Variants in TANGO6 observed in about 807,000 individuals in gnomAD.
The protein encoded by TANGO6 is transport and Golgi organization protein 6 homolog.
In TANGO6, 90 loss-of-function variants were observed where a neutral mutation model predicts 114.2. The ratio of observed to expected loss-of-function variants is 0.79; its 90% CI spans 0.66 to 0.94. The LOEUF (loss-of-function observed/expected upper bound fraction) is 0.94, where lower values mean the gene tolerates loss of function less well. Ranked by LOEUF, TANGO6 falls within the 40% of genes least tolerant of loss-of-function variation. The pLI, the probability that TANGO6 is intolerant of heterozygous loss-of-function variation, is 0.00. For missense variants in TANGO6, 1,274 were observed against 1,315.3 expected (o/e 0.97, Z 0.49); for synonymous variants, 477 against 509.8 (o/e 0.94, Z 0.87).
At chr16:69,077,520 T>C (rs1960398789) in intron 17 of TANGO6, among the ~76,000 whole-genome samples, 1 of 152,130 alleles carries the variant, frequency 6.6e-6, no homozygotes, top group Non-Finnish European at 1.5e-5. Context: ...ATTGGGGCTA[T>C]ACCAGATTGA....
intron 2 of TANGO6, among the ~76,000 whole-genome samples, chr16:68,861,645 A>G (rs1312145220): frequency 6.6e-6 from 1 of 152,190 alleles, no homozygotes; most frequent in Non-Finnish European, 1.5e-5. Flanking sequence ...GAGAGAAATG[A>G]AAAGGGAAAC....
intron 1 of TANGO6, among the ~76,000 whole-genome samples, chr16:68,856,689 AC>A (rs1961999588): frequency 6.6e-6 from 1 of 152,224 alleles, no homozygotes; most frequent in Non-Finnish European, 1.5e-5. Flanking sequence ...ATTGTTATTA[AC>A]TGAAGTAATA....
intron 7 of TANGO6, among the ~76,000 whole-genome samples, chr16:68,891,149 G>A (rs1361412493): frequency 6.6e-6 from 1 of 151,572 alleles, no homozygotes; most frequent in Non-Finnish European, 1.5e-5. Context: ...AAAATTAGCC[G>A]GGTGTGGTGG....
chr16:68,931,405 T>C (rs1264797151), intron 14 of TANGO6, among the ~76,000 whole-genome samples: 2 of 152,222 alleles, frequency 1.3e-5, no homozygotes, highest in African/African-American at 4.8e-5. Flanking sequence ...CTCCCAGGAA[T>C]ATACCCGATA....
At chr16:69,021,020 A>G (rs560690451) in intron 15 of TANGO6, among the ~76,000 whole-genome samples, 6 of 150,780 alleles carry the variant, frequency 4.0e-5, no homozygotes, top group Non-Finnish European at 7.4e-5. Context: ...GTAGGTTTCT[A>G]CCTTGGACCC....
At chr16:68,985,452 G>A (rs564587836) in intron 15 of TANGO6, among the ~76,000 whole-genome samples, 29 of 152,102 alleles carry the variant, frequency 1.9e-4, no homozygotes, top group Non-Finnish European at 2.6e-4. Context: ...ACTCATGCCT[G>A]TAATCCTAGC....
In TANGO6 at chr16:68,880,874, T is replaced by C. The variant is rs534207680; in HGVS notation, c.1377+244T>C. 3.9e-5 allele frequency among the ~76,000 whole-genome samples: 6 copies of C among 152,224 alleles called. No homozygotes were observed. The East Asian group carries it at 1.2e-3, about 29-fold the overall frequency. Reference sequence around the variant, plus strand: ...TTAGCACTTGAACCGTTGGAATGACTAATCTAAAGCTCCAAGCTGTCTGGT... The same window carrying C: ...TTAGCACTTGAACCGTTGGAATGACCAATCTAAAGCTCCAAGCTGTCTGGT... On this transcript the variant is annotated intron_variant, in intron 7 of 17. Transcript: ENST00000261778.
At chr16:68,954,733 C>G (rs757500276) in intron 14 of TANGO6, among the ~76,000 whole-genome samples, 1 of 152,168 alleles carries the variant, frequency 6.6e-6, no homozygotes, top group Non-Finnish European at 1.5e-5. Flanking sequence ...ACACACAGCC[C>G]TTAACCATTA....
chr16:68,843,836 T>A, intron 1 of TANGO6, 125 bp downstream of exon 1: 1 of 871,448 alleles, frequency 1.1e-6, no homozygotes, highest in Non-Finnish European at 1.8e-6. Context: ...CGCCCGCTGC[T>A]GGGGGCTTTG....
At chr16:68,927,368 A>G (rs1321209108) in intron 12 of TANGO6, among the ~76,000 whole-genome samples, 200 bp from the exon 13 acceptor site, 1 of 152,204 alleles carries the variant, frequency 6.6e-6, no homozygotes, top group Non-Finnish European at 1.5e-5. Context: ...AAGAACCTGT[A>G]TATGATAAGT....
At chr16:68,902,694 C>T (rs1225972952) in intron 9 of TANGO6, among the ~76,000 whole-genome samples, 190 bp downstream of exon 9, 1 of 152,162 alleles carries the variant, frequency 6.6e-6, no homozygotes, top group South Asian at 2.1e-4. Context: ...CCTAAGATGC[C>T]TGCTAATAGT....
chr16:68,847,861 G>A (rs937040612), intron 1 of TANGO6, among the ~76,000 whole-genome samples: 2 of 151,980 alleles, frequency 1.3e-5, no homozygotes, highest in African/African-American at 4.8e-5. Flanking sequence ...TTAGCTGGGC[G>A]TGGTGGCATG....
chr16:68,922,094 A>G (rs1963101521), intron 12 of TANGO6, among the ~76,000 whole-genome samples: 1 of 152,154 alleles, frequency 6.6e-6, no homozygotes, highest in Non-Finnish European at 1.5e-5. Flanking sequence ...GTTTTGGCTT[A>G]TTAAAAAAGA....
intron 17 of TANGO6, among the ~76,000 whole-genome samples, chr16:69,044,149 C>G (rs1430351494): frequency 6.6e-6 from 1 of 152,146 alleles, no homozygotes; most frequent in Non-Finnish European, 1.5e-5. Context: ...ACTGCAACCT[C>G]CACCTCCCGG....
intron 3 of TANGO6, among the ~76,000 whole-genome samples, chr16:68,864,284 G>A (rs1456866331): frequency 2.0e-5 from 3 of 152,020 alleles, no homozygotes; most frequent in African/African-American, 7.2e-5. Context: ...TGTAAAGAGT[G>A]AGGAGCCAGC....
At chr16:68,882,262 C>T (rs976286654) in intron 7 of TANGO6, among the ~76,000 whole-genome samples, 16 of 151,848 alleles carry the variant, frequency 1.1e-4, no homozygotes, top group Non-Finnish European at 1.5e-4. Flanking sequence ...TATGGGAGGC[C>T]GAGGCGGGCA....
chr16:69,073,918 C>T (rs1425787007), intron 17 of TANGO6, among the ~76,000 whole-genome samples: 1 of 151,306 alleles, frequency 6.6e-6, no homozygotes, highest in African/African-American at 2.4e-5. Flanking sequence ...TCATGCCATT[C>T]ACTGCTCTCC....
chr16:69,057,050 C>A (rs1443104964), intron 17 of TANGO6, among the ~76,000 whole-genome samples: 1 of 137,542 alleles, frequency 7.3e-6, no homozygotes, highest in East Asian at 2.0e-4. Flanking sequence ...GCTCTGTTGC[C>A]CAGGCTGGAG....
chr16:68,923,222 C>T (rs552475191), intron 12 of TANGO6, among the ~76,000 whole-genome samples: 8 of 151,448 alleles, frequency 5.3e-5, no homozygotes, highest in Middle Eastern at 3.4e-3. Context: ...CCTCCCAAAG[C>T]GCCGGGATTA....
Sources: allele counts gnomAD v4.1 joint callset (sites outside exome capture counted in the v4.1 genomes callset), GRCh38; gene constraint gnomAD v4.1.1; transcripts MANE v1.5; gene names NCBI Gene and HGNC (gene_info 2026-07-23, HGNC 2026-07-21).